TNRC6B: variants seen among roughly 807,000 people sequenced by gnomAD.
TNRC6B encodes the protein trinucleotide repeat containing adaptor 6B, also known as trinucleotide repeat-containing gene 6B protein.
TNRC6B carries 52 observed loss-of-function variants against 203.6 expected under a neutral mutation model. That is an observed-to-expected ratio of 0.26 (90% confidence interval 0.20 to 0.32). The LOEUF (loss-of-function observed/expected upper bound fraction) is 0.32, where lower values mean the gene tolerates loss of function less well. Among genes scored for constraint, TNRC6B ranks in the 10% least tolerant of loss-of-function variants. The probability of loss-of-function intolerance (pLI) is 1.00; values close to 1 mark genes in which losing one functional copy is unlikely to be tolerated. For missense variants in TNRC6B, 1,923 were observed against 2,286.2 expected (o/e 0.84, Z 3.24); for synonymous variants, 838 against 845.7 (o/e 0.99, Z 0.16).
intron 4 of TNRC6B, among the ~76,000 whole-genome samples, chr22:40,170,312 TTTATATATA>T (rs56299981): frequency 0.077 from 8,279 of 107,222 alleles, 702 homozygotes; most frequent in Middle Eastern, 0.16. Flanking sequence ...TAATATATAT[TTTATATATA>T]TTATATATAT....
rs941077732 is a variant in TNRC6B, at chr22:40,126,602, T to C, written c.45+740T>C. Reference sequence around the variant, plus strand: ...TTAATTTTTTTTTTTTTTTTTTTTTTTTTTTTTAGACTGGGCCTGGCTCTA... The same window carrying C: ...TTAATTTTTTTTTTTTTTTTTTTTTCTTTTTTTAGACTGGGCCTGGCTCTA... On this transcript the variant is annotated intron_variant, in intron 3 of 23. Coordinates refer to the TNRC6B transcript ENST00000301923. 3.2e-4 allele frequency among the ~76,000 whole-genome samples: 45 copies of C among 140,876 alleles called. 1 individual carries two copies. Among genetic ancestry groups the C allele is most frequent in the Admixed American group, 2.8e-3 (40 of 14,396 alleles). The allele number at this position is 140,876 out of a possible 152,430, so 92.4% of individuals were successfully genotyped here.
At chr22:40,284,706 T>A (rs1472194966) in intron 11 of TNRC6B, among the ~76,000 whole-genome samples, 1 of 152,246 alleles carries the variant, frequency 6.6e-6, no homozygotes, top group Non-Finnish European at 1.5e-5. Flanking sequence ...CCAGTTAATC[T>A]GAATGTGAAA....
At chr22:40,238,871 T>G (rs2069986184) in intron 1 of TNRC6B, among the ~76,000 whole-genome samples, 1 of 152,204 alleles carries the variant, frequency 6.6e-6, no homozygotes, top group African/African-American at 2.4e-5. Flanking sequence ...GAGCCAAAGC[T>G]CGGTTTTGTT....
At position 40,159,365 on chromosome 22, in the gene TNRC6B, C is replaced by T. The variant is rs565566723; in HGVS notation, c.113+3183C>T. Among the ~76,000 whole-genome samples the T allele has an allele frequency of 1.8e-4, 27 of 149,456 alleles. 1 individual carries two copies. In the East Asian group the frequency reaches 5.0e-3, roughly 28 times the overall value. ...GAAATAAAGGTGAGACCTGGCCAGG[C>T]GCGGTGGCTCACGCCTGTAATCCCA... On this transcript the variant is annotated intron_variant, in intron 4 of 23. Transcript: ENST00000301923.
chr22:40,156,755 GTT>G (rs542249864), intron 4 of TNRC6B, among the ~76,000 whole-genome samples: 62,692 of 134,790 alleles, frequency 0.47, 16,399 homozygotes, highest in African/African-American at 0.75. Context: ...TTTGTTGTTG[GTT>G]TTTTTTTTTT....
rs1278622728 is a variant in TNRC6B at position 40,326,385 on chromosome 22, T to C, written c.*3144T>C. 1.3e-5 allele frequency: 2 copies of C among 152,610 alleles called. No homozygotes were observed. The allele number at this position is 152,610 out of a possible 1,614,324, so 9.5% of individuals were successfully genotyped here. On this transcript the variant is annotated 3_prime_UTR_variant, in exon 23 of 23. Coordinates refer to ENST00000454349, the MANE Select transcript of TNRC6B (RefSeq NM_001162501.2). ...TCACACATTTTAAAACACATAGAAA[T>C]ATTTTTTAAAAATTATCAATTTAGC...
At chr22:40,204,271 A>G (rs1254245458) in intron 1 of TNRC6B, among the ~76,000 whole-genome samples, 1 of 152,172 alleles carries the variant, frequency 6.6e-6, no homozygotes, top group African/African-American at 2.4e-5. Flanking sequence ...CTTTTTACAT[A>G]CTTGTGAATT....
chr22:40,057,315 CAG>C (rs1429593049), intron 1 of TNRC6B, among the ~76,000 whole-genome samples: 3 of 116,800 alleles, frequency 2.6e-5, no homozygotes, highest in African/African-American at 1.0e-4. Flanking sequence ...TTTTTTGAGA[CAG>C]AGTTTCGCTC....
chr22:40,298,018 G>T (rs111561000), intron 12 of TNRC6B, among the ~76,000 whole-genome samples: 310 of 140,372 alleles, frequency 2.2e-3, no homozygotes, highest in African/African-American at 7.7e-3. Context: ...CCAGCTATTC[G>T]GGAGGCTAAG....
chr22:40,273,745 C>T, intron 7 of TNRC6B, 145 bp downstream of exon 7: 1 of 849,758 alleles, frequency 1.2e-6, no homozygotes, highest in Non-Finnish European at 1.7e-6. Context: ...ACTCGCTGAG[C>T]AACCTCCTGG....
At chr22:40,267,537 A>G (rs2070498178) in intron 5 of TNRC6B, among the ~76,000 whole-genome samples, 1 of 152,090 alleles carries the variant, frequency 6.6e-6, no homozygotes, top group Non-Finnish European at 1.5e-5. Flanking sequence ...ATTTTTAATG[A>G]TTACCTCTGG....
intron 1 of TNRC6B, among the ~76,000 whole-genome samples, chr22:40,064,562 A>C (rs2067879488): frequency 6.6e-6 from 1 of 151,618 alleles, no homozygotes; most frequent in African/African-American, 2.4e-5. Flanking sequence ...TTGTATATTA[A>C]GCTAACTTTG....
At chr22:40,173,521 T>C (rs947640607), upstream of TNRC6B, among the ~76,000 whole-genome samples, 14 of 150,834 alleles carry the variant, frequency 9.3e-5, no homozygotes, top group African/African-American at 3.2e-4. Flanking sequence ...AGTGGCGTGA[T>C]CTCAGCTCAG....
At chr22:40,314,169 C>T (rs919397412) in intron 19 of TNRC6B, among the ~76,000 whole-genome samples, 1 of 152,164 alleles carries the variant, frequency 6.6e-6, no homozygotes, top group Non-Finnish European at 1.5e-5. Context: ...TTGTCTAAAA[C>T]TGAACCTATA....
chr22:40,248,256 C>G (rs1004356993), intron 2 of TNRC6B, among the ~76,000 whole-genome samples: 1 of 152,204 alleles, frequency 6.6e-6, no homozygotes, highest in Non-Finnish European at 1.5e-5. Flanking sequence ...GCACACATTG[C>G]ACCCTCCACC....
In TNRC6B at chr22:40,330,180, T is replaced by TTTG. The variant is rs1601529896; in HGVS notation, c.*6941_*6942insGTT. ...GCCAATATCAACAAGTTGGGATGGT[T>TTTG]TTTGTTTTTTTCTTTTTTTTCAAAA... On this transcript the variant is annotated 3_prime_UTR_variant, in exon 23 of 23. Transcript: ENST00000454349. The TTTG allele has an allele frequency of 6.6e-6, 1 of 152,214 alleles. No homozygotes were observed. Among genetic ancestry groups the TTTG allele is most frequent in the East Asian group, 1.9e-4 (1 of 5,206 alleles). The allele number at this position is 152,214 out of a possible 1,614,324, so 9.4% of individuals were successfully genotyped here.
intron 1 of TNRC6B, among the ~76,000 whole-genome samples, chr22:40,197,273 A>G (rs1389226550): frequency 6.7e-6 from 1 of 149,688 alleles, no homozygotes; most frequent in Non-Finnish European, 1.5e-5. Flanking sequence ...CTGGCTGCTG[A>G]AAGGTGTTTT....
chr22:40,258,706 C>G (rs2070324788), intron 3 of TNRC6B, among the ~76,000 whole-genome samples: 1 of 152,028 alleles, frequency 6.6e-6, no homozygotes. Flanking sequence ...AGGTGTGTTC[C>G]CATTTTATAA....
chr22:40,165,680 T>A (rs1312702232), intron 4 of TNRC6B, among the ~76,000 whole-genome samples: 1 of 152,162 alleles, frequency 6.6e-6, no homozygotes. Context: ...CTCAGGGAAC[T>A]TACAACCATG....
Sources: allele counts gnomAD v4.1 joint callset (sites outside exome capture counted in the v4.1 genomes callset), GRCh38; gene constraint gnomAD v4.1.1; transcripts MANE v1.5; gene names NCBI Gene and HGNC (gene_info 2026-07-23, HGNC 2026-07-21).